Variants in RBFOX1 observed in about 807,000 individuals in gnomAD.
RBFOX1 encodes RNA binding fox-1 homolog 1, also known as RNA binding protein fox-1 homolog 1.
A neutral mutation model predicts 57.7 loss-of-function variants in RBFOX1; 8 were observed. The observed-to-expected ratio is 0.14, with a 90% CI of 0.08 to 0.25. The LOEUF (loss-of-function observed/expected upper bound fraction) is 0.25, where lower values mean the gene tolerates loss of function less well. RBFOX1 is among the 10% of genes least tolerant of loss of function. The probability of loss-of-function intolerance (pLI) is 1.00; values close to 1 mark genes in which losing one functional copy is unlikely to be tolerated. For missense variants in RBFOX1, 611 were observed against 548.5 expected, an observed-to-expected ratio of 1.11 and a Z score of -1.14; for synonymous variants, 326 against 222.4, an observed-to-expected ratio of 1.47 and a Z score of -4.15.
intron 2 of RBFOX1, among the ~76,000 whole-genome samples, chr16:6,522,448 A>T (rs1490963125): frequency 6.6e-6 from 1 of 152,098 alleles, no homozygotes; most frequent in South Asian, 2.1e-4. Context: ...TTTTTGAAAG[A>T]TATTTATGAA....
At chr16:6,918,734 T>A (rs2073817834) in intron 3 of RBFOX1, among the ~76,000 whole-genome samples, 1 of 152,168 alleles carries the variant, frequency 6.6e-6, no homozygotes, top group Non-Finnish European at 1.5e-5. Flanking sequence ...GCAGACAACA[T>A]GAAGCGGCAG....
intron 1 of RBFOX1, among the ~76,000 whole-genome samples, chr16:5,372,709 T>G (rs1362902445): frequency 6.6e-6 from 1 of 152,182 alleles, no homozygotes; most frequent in African/African-American, 2.4e-5. Context: ...CTGCTGTATA[T>G]CTATGTGGTT....
At chr16:6,847,767 G>A (rs552085330) in intron 3 of RBFOX1, among the ~76,000 whole-genome samples, 14 of 152,098 alleles carry the variant, frequency 9.2e-5, no homozygotes, top group East Asian at 3.9e-4. Context: ...AAACAGTCAC[G>A]TGTGGCTTAG....
chr16:7,170,411 A>C (rs2080450395), intron 4 of RBFOX1, among the ~76,000 whole-genome samples: 1 of 151,944 alleles, frequency 6.6e-6, no homozygotes, highest in African/African-American at 2.4e-5. Context: ...AGCTGAGACT[A>C]CAGGCACAGG....
intron 4 of RBFOX1, among the ~76,000 whole-genome samples, chr16:7,505,051 C>A (rs377510147): frequency 7.9e-5 from 12 of 150,964 alleles, no homozygotes; most frequent in African/African-American, 2.7e-4. Flanking sequence ...TGGTTTTGAC[C>A]TTGCTCTCAG....
At chr16:6,573,390 G>T (rs1239741178) in intron 2 of RBFOX1, among the ~76,000 whole-genome samples, 1 of 152,124 alleles carries the variant, frequency 6.6e-6, no homozygotes, top group African/African-American at 2.4e-5. Flanking sequence ...CTTTACAGCT[G>T]TTACTTTATC....
At chr16:6,896,361 A>C (rs1472935435) in intron 3 of RBFOX1, among the ~76,000 whole-genome samples, 2 of 152,202 alleles carry the variant, frequency 1.3e-5, no homozygotes, top group Non-Finnish European at 2.9e-5. Context: ...TATAGTAATC[A>C]AATAATATGT....
chr16:7,165,072 C>T (rs1325888251), intron 4 of RBFOX1, among the ~76,000 whole-genome samples: 2 of 152,206 alleles, frequency 1.3e-5, no homozygotes, highest in South Asian at 4.1e-4. Flanking sequence ...TTCCAAATTC[C>T]CACCTTTGTC....
chr16:7,199,634 C>T (rs1241777406), intron 4 of RBFOX1, among the ~76,000 whole-genome samples: 1 of 152,188 alleles, frequency 6.6e-6, no homozygotes, highest in African/African-American at 2.4e-5. Context: ...TAGCTCACGC[C>T]TGTAATCCCA....
At chr16:7,507,474 C>T (rs2073692520) in intron 4 of RBFOX1, among the ~76,000 whole-genome samples, 1 of 151,840 alleles carries the variant, frequency 6.6e-6, no homozygotes, top group African/African-American at 2.4e-5. Flanking sequence ...CAACTTTTGA[C>T]AGTGCCCATC....
intron 4 of RBFOX1, among the ~76,000 whole-genome samples, chr16:7,248,587 C>G (rs138195767): frequency 1.3e-5 from 2 of 152,140 alleles, no homozygotes; most frequent in Admixed American, 6.5e-5. Context: ...CCTTCCAGAA[C>G]TAGGCATTTC....
At chr16:5,586,508 C>G (rs1223212602) in intron 2 of RBFOX1, among the ~76,000 whole-genome samples, 1 of 152,132 alleles carries the variant, frequency 6.6e-6, no homozygotes, top group Non-Finnish European at 1.5e-5. Context: ...TTTGTTCATT[C>G]ATTCGTTCAA....
intron 1 of RBFOX1, among the ~76,000 whole-genome samples, chr16:6,109,984 C>G (rs1038868241): frequency 1.3e-5 from 2 of 152,068 alleles, no homozygotes; most frequent in African/African-American, 4.8e-5. Context: ...TCTTGGGTCT[C>G]TAATAATTAC....
At chr16:5,732,170 T>G (rs2052397327) in intron 3 of RBFOX1, among the ~76,000 whole-genome samples, 3 of 152,240 alleles carry the variant, frequency 2.0e-5, no homozygotes, top group Admixed American at 1.3e-4. Flanking sequence ...GATAGGAAAT[T>G]GGCACCTGCT....
chr16:5,422,048 T>G (rs2067345121), intron 1 of RBFOX1, among the ~76,000 whole-genome samples: 1 of 152,188 alleles, frequency 6.6e-6, no homozygotes, highest in African/African-American at 2.4e-5. Context: ...CAGTACCTGT[T>G]AACTGAAAAT....
At chr16:6,891,990 G>C (rs2065545782) in intron 3 of RBFOX1, among the ~76,000 whole-genome samples, 1 of 152,122 alleles carries the variant, frequency 6.6e-6, no homozygotes, top group Admixed American at 6.5e-5. Context: ...CCTGCTTACT[G>C]ATGCACTGCA....
chr16:7,072,866 G>T (rs1332261256), intron 4 of RBFOX1, among the ~76,000 whole-genome samples: 1 of 152,214 alleles, frequency 6.6e-6, no homozygotes, highest in African/African-American at 2.4e-5. Flanking sequence ...CTGAGATGAA[G>T]AATTTACAAG....
At chr16:7,201,528 C>G (rs191701183) in intron 4 of RBFOX1, among the ~76,000 whole-genome samples, 2 of 151,184 alleles carry the variant, frequency 1.3e-5, no homozygotes, top group Non-Finnish European at 2.9e-5. Flanking sequence ...ATGGCACAAT[C>G]TGGGCTCACT....
intron 4 of RBFOX1, among the ~76,000 whole-genome samples, chr16:7,296,834 C>G (rs756090477): frequency 2.0e-5 from 3 of 152,106 alleles, no homozygotes; most frequent in Non-Finnish European, 4.4e-5. Context: ...AGTTCTATTC[C>G]TCTACTTGGA....
Sources: gnomAD v4.1 joint callset for allele counts (sites outside exome capture counted in the v4.1 genomes callset) on GRCh38, gnomAD v4.1.1 for gene constraint, MANE v1.5 for transcripts, NCBI Gene and HGNC (gene_info 2026-07-23, HGNC 2026-07-21) for gene names.